The following ARHGEF9 variants were observed in gnomAD, a reference collection of about 807,000 sequenced individuals.
The protein encoded by ARHGEF9 is rho guanine nucleotide exchange factor 9.
Under a neutral mutation model 41.3 loss-of-function variants are expected in ARHGEF9, and 2 were observed. The ratio of observed to expected loss-of-function variants is 0.05; its 90% CI spans 0.02 to 0.15. ARHGEF9 has a LOEUF of 0.15. Among genes scored for constraint, ARHGEF9 ranks in the 10% least tolerant of loss-of-function variants. The probability of loss-of-function intolerance (pLI) is 1.00; values close to 1 mark genes in which losing one functional copy is unlikely to be tolerated. For missense variants in ARHGEF9, 225 were observed against 424.7 expected (o/e 0.53, Z 4.13); for synonymous variants, 160 against 154.4 (o/e 1.04, Z -0.27).
intron 3 of ARHGEF9, among the ~76,000 whole-genome samples, chrX:63,703,004 T>C (rs1318885252): frequency 8.9e-6 from 1 of 111,967 alleles, no homozygotes; most frequent in African/African-American, 3.3e-5. Flanking sequence ...AGTCTGGTAT[T>C]CTTTCTGATA....
chrX:63,696,092 C>A (rs2051730119), intron 4 of ARHGEF9, among the ~76,000 whole-genome samples: 1 of 111,309 alleles, frequency 9.0e-6, no homozygotes, highest in East Asian at 2.8e-4. Context: ...TAAACATGTT[C>A]TGAGTCCTAA....
intron 2 of ARHGEF9, among the ~76,000 whole-genome samples, chrX:63,707,784 G>A (rs2052654079): frequency 9.0e-6 from 1 of 111,381 alleles, no homozygotes; most frequent in African/African-American, 3.3e-5. Context: ...TAGAAGGATG[G>A]TAGTTACTTC....
intron 9 of ARHGEF9, chrX:63,640,378 A>C (rs2047546748): frequency 8.9e-6 from 1 of 111,850 alleles, no homozygotes; most frequent in South Asian, 3.7e-4. Context: ...TAACTATATA[A>C]TGAGTGTTGA....
intron 1 of ARHGEF9, among the ~76,000 whole-genome samples, chrX:63,735,587 T>A (rs782237749): frequency 8.9e-6 from 1 of 111,898 alleles, no homozygotes. Flanking sequence ...GGTCCTAACG[T>A]CGTTAAATGT....
intron 8 of ARHGEF9, among the ~76,000 whole-genome samples, chrX:63,653,738 CTAAGTTTTCTTTATA>C (rs1210501123): frequency 1.8e-5 from 2 of 110,915 alleles, no homozygotes; most frequent in Non-Finnish European, 3.8e-5. Context: ...GGAAGGAATG[CTAAGTTTTCTTTATA>C]TATTTCCATA....
intron 5 of ARHGEF9, 38 bp from the exon 6 acceptor site, chrX:63,674,205 G>A (rs1556359406): frequency 8.3e-7 from 1 of 1,202,968 alleles, no homozygotes; most frequent in African/African-American, 1.7e-5. Flanking sequence ...ACCAACCAAT[G>A]TGCCAAAGAA....
chrX:63,719,735 T>G, intron 2 of ARHGEF9: 2 of 297,341 alleles, frequency 6.7e-6, no homozygotes, highest in Non-Finnish European at 1.2e-5. Context: ...GGCTTGCTGG[T>G]GCCAGGAGAT....
At chrX:63,706,580 G>C in intron 2 of ARHGEF9, 131 bp from the exon 3 acceptor site, 2 of 793,461 alleles carry the variant, frequency 2.5e-6, no homozygotes, top group Non-Finnish European at 1.8e-6. Context: ...TGTGCAAGTA[G>C]AATTCGAAAC....
intron 1 of ARHGEF9, among the ~76,000 whole-genome samples, chrX:63,757,295 G>C (rs1569505397): frequency 3.6e-5 from 4 of 111,784 alleles, no homozygotes; most frequent in African/African-American, 3.3e-5. Context: ...ACAGACATAG[G>C]ACCTTGCTTG....
chrX:63,674,999 T>C (rs1556360424), intron 5 of ARHGEF9, among the ~76,000 whole-genome samples: 1 of 111,444 alleles, frequency 9.0e-6, no homozygotes, highest in African/African-American at 3.3e-5. Flanking sequence ...TACGCTTCTT[T>C]AGCCTTTACT....
intron 4 of ARHGEF9, among the ~76,000 whole-genome samples, chrX:63,693,165 A>G (rs782161771): frequency 8.9e-6 from 1 of 112,134 alleles, no homozygotes; most frequent in African/African-American, 3.2e-5. Context: ...GTTAACAATA[A>G]TTAATGGCAT....
At chrX:63,739,941 G>A (rs1420008605) in intron 1 of ARHGEF9, among the ~76,000 whole-genome samples, 1 of 111,691 alleles carries the variant, frequency 9.0e-6, no homozygotes, top group Non-Finnish European at 1.9e-5. Flanking sequence ...TCTGCAGCAG[G>A]GGGAAACTTG....
intron 1 of ARHGEF9, chrX:63,767,000 G>T (rs781891401): frequency 1.4e-6 from 1 of 699,755 alleles, no homozygotes; most frequent in Non-Finnish European, 2.2e-6. Context: ...TCTCCTTAAA[G>T]AAGTTAGAGG....
intron 4 of ARHGEF9, among the ~76,000 whole-genome samples, chrX:63,681,923 C>T (rs1556369872): frequency 1.8e-5 from 2 of 110,542 alleles, no homozygotes; most frequent in South Asian, 7.6e-4. Context: ...AACTTGGAAA[C>T]ACCAGAGGAA....
Position 63,719,822 on chromosome X carries a change from C to T in ARHGEF9, c.210+4710G>A, listed in dbSNP as rs1418166903. 3 of 294,106 alleles carry T rather than the reference C, an allele frequency of 1.0e-5. No individual in the cohort carries two copies. The Admixed American group carries it at 1.9e-4, about 18-fold the overall frequency. 24.2% of individuals were successfully genotyped at this position (294,106 alleles called of 1,213,427 possible). A position where few individuals can be genotyped will look rare whatever the true frequency, so the allele number is the denominator to read the frequency against. On this transcript the variant is annotated intron_variant, in intron 2 of 9. Coordinates refer to ENST00000671741, the MANE Select transcript of ARHGEF9 (RefSeq NM_001353921.2). ...ACTGAGGGACTAGCACAGAGGTTGA[C>T]CTCTGGCTGGAGAGGCTTTCCAGGC...
At chrX:63,756,123 C>CA (rs2055921325) in intron 1 of ARHGEF9, among the ~76,000 whole-genome samples, 1 of 111,635 alleles carries the variant, frequency 9.0e-6, no homozygotes, top group African/African-American at 3.3e-5. Flanking sequence ...CTTTTCCTCT[C>CA]AGGGGTCTGT....
intron 1 of ARHGEF9, among the ~76,000 whole-genome samples, chrX:63,768,617 C>T (rs201364283): frequency 8.9e-6 from 1 of 111,910 alleles, no homozygotes; most frequent in Non-Finnish European, 1.9e-5. Context: ...TGTCACCAGG[C>T]AAATTTTACC....
chrX:63,724,313 C>T (rs781836905), intron 2 of ARHGEF9, among the ~76,000 whole-genome samples: 10 of 109,938 alleles, frequency 9.1e-5, no homozygotes, highest in Non-Finnish European at 1.7e-4. Context: ...GGTGGTGGGG[C>T]GGGGGTGTTA....
intron 1 of ARHGEF9, among the ~76,000 whole-genome samples, chrX:63,778,726 T>G (rs1556460375): frequency 8.9e-6 from 1 of 112,357 alleles, no homozygotes. Flanking sequence ...CCAGATATCC[T>G]AAATCATCTC....
Sources: allele counts gnomAD v4.1 joint callset (sites outside exome capture counted in the v4.1 genomes callset), GRCh38; gene constraint gnomAD v4.1.1; transcripts MANE v1.5; gene names NCBI Gene and HGNC (gene_info 2026-07-23, HGNC 2026-07-21).